JAK2: variants seen among roughly 807,000 people sequenced by gnomAD.
The protein encoded by JAK2 is Janus kinase 2, also known as tyrosine-protein kinase JAK2.
A neutral mutation model predicts 139.3 loss-of-function variants in JAK2; 86 were observed. The ratio of observed to expected loss-of-function variants is 0.62; its 90% CI spans 0.52 to 0.74. The LOEUF (loss-of-function observed/expected upper bound fraction) is 0.74. Ranked by LOEUF, JAK2 falls within the 30% of genes least tolerant of loss-of-function variation. JAK2 has a pLI of 0.00. For missense variants in JAK2, 1,421 were observed against 1,360.3 expected (o/e 1.04, Z -0.70); for synonymous variants, 490 against 437.7 (o/e 1.12, Z -1.49).
chr9:5,033,486 G>C (rs1823323443), intron 4 of JAK2, among the ~76,000 whole-genome samples: 1 of 152,202 alleles, frequency 6.6e-6, no homozygotes. Flanking sequence ...AGGGCAGCCA[G>C]AGAGAAAGGT....
At chr9:5,018,769 A>T (rs2130038521) in intron 2 of JAK2, among the ~76,000 whole-genome samples, 1 of 152,280 alleles carries the variant, frequency 6.6e-6, no homozygotes, top group Non-Finnish European at 1.5e-5. Flanking sequence ...AATGAAGGAT[A>T]ATTTTGCTGG....
At position 5,050,723 on chromosome 9, in the gene JAK2, C is replaced by G. The variant is rs767125301; in HGVS notation, c.506C>G (p.Pro169Arg). 37 of 1,613,586 alleles carry G rather than the reference C, an allele frequency of 2.3e-5. 1 individual carries two copies. In the Middle Eastern group the frequency reaches 6.6e-4, roughly 29 times the overall value. ...HDFVHGWIKV[P>R]VTHETQEECL... is the part of the protein sequence containing the mutation. ...TTTGTGCACGGATGGATAAAAGTAC[C>G]TGTGACTCATGAAACACAGGAAGAA... The change falls in exon 6 of 25, where the codon CCT becomes CGT. Residue 169 changes from proline (P) to arginine (R), a missense_variant. Transcript: ENST00000381652.
intron 1 of JAK2, among the ~76,000 whole-genome samples, 155 bp downstream of exon 1, chr9:4,985,785 G>C (rs771728982): frequency 1.3e-5 from 2 of 152,194 alleles, no homozygotes; most frequent in African/African-American, 2.4e-5. Flanking sequence ...AACGAGTCTT[G>C]CTGGTGATAT....
Position 5,126,322 on chromosome 9 carries a change from G to A in JAK2, c.3178-11G>A, listed in dbSNP as rs779522337. 1.3e-6 allele frequency: 2 copies of A among 1,553,726 alleles called. No individual in the cohort carries two copies. The highest frequency in any genetic ancestry group is 1.8e-6 in the Non-Finnish European group (2 of 1,137,122). Reference sequence around the variant, plus strand: ...AATGTACAAAAAATATTGAAAGTGGGTTTGTTTTAGGAATTTATGCGTATG... The same window carrying A: ...AATGTACAAAAAATATTGAAAGTGGATTTGTTTTAGGAATTTATGCGTATG... On this transcript the variant is annotated splice_polypyrimidine_tract_variant and intron_variant, in intron 23 of 24. Coordinates refer to ENST00000381652, the MANE Select transcript of JAK2 (RefSeq NM_004972.4).
At chr9:5,041,352 A>G in intron 4 of JAK2, 1 of 642,456 alleles carries the variant, frequency 1.6e-6, no homozygotes, top group Non-Finnish European at 2.8e-6. Context: ...ACGGCGTGCT[A>G]CATGAGCATC....
At chr9:5,008,750 T>C (rs963255190) in intron 2 of JAK2, among the ~76,000 whole-genome samples, 85 of 152,350 alleles carry the variant, frequency 5.6e-4, no homozygotes, top group African/African-American at 1.9e-3. Context: ...TCAGCAGATC[T>C]TTTTAACATG....
At chr9:5,011,354 T>TA (rs1252778067) in intron 2 of JAK2, among the ~76,000 whole-genome samples, 1 of 151,682 alleles carries the variant, frequency 6.6e-6, no homozygotes, top group Non-Finnish European at 1.5e-5. Context: ...CCCAGCAAAT[T>TA]AAAAAAAAAT....
At chr9:5,087,370 G>A (rs1401305363) in intron 19 of JAK2, among the ~76,000 whole-genome samples, 1 of 152,128 alleles carries the variant, frequency 6.6e-6, no homozygotes, top group African/African-American at 2.4e-5. Flanking sequence ...GAAACCACCC[G>A]CATGATTCAG....
chr9:5,016,219 A>G (rs1293582802), intron 2 of JAK2, among the ~76,000 whole-genome samples: 1 of 152,232 alleles, frequency 6.6e-6, no homozygotes, highest in Non-Finnish European at 1.5e-5. Context: ...GAACTTCAGG[A>G]TGAAGTGAAG....
chr9:5,111,021 C>T (rs963724159), intron 22 of JAK2: 2 of 801,612 alleles, frequency 2.5e-6, no homozygotes, highest in Non-Finnish European at 4.1e-6. Flanking sequence ...AGGGCCGGCC[C>T]GCCTCCCTGG....
chr9:5,066,263 T>C (rs568889611), intron 9 of JAK2, among the ~76,000 whole-genome samples: 26 of 152,270 alleles, frequency 1.7e-4, no homozygotes, highest in Admixed American at 1.2e-3. Context: ...AATAATAAAA[T>C]CATGCATTCA....
At chr9:5,009,402 T>C (rs1240182116) in intron 2 of JAK2, among the ~76,000 whole-genome samples, 1 of 152,156 alleles carries the variant, frequency 6.6e-6, no homozygotes, top group Non-Finnish European at 1.5e-5. Flanking sequence ...AGGAACACTA[T>C]GAAATGCCCA....
intron 12 of JAK2, among the ~76,000 whole-genome samples, chr9:5,071,892 G>A (rs1170479183): frequency 2.6e-5 from 4 of 152,204 alleles, no homozygotes; most frequent in African/African-American, 7.2e-5. Context: ...GTAAAGATAT[G>A]CAAGAAATAC....
chr9:5,116,681 A>G (rs1823205939), intron 22 of JAK2, among the ~76,000 whole-genome samples: 1 of 152,216 alleles, frequency 6.6e-6, no homozygotes, highest in Non-Finnish European at 1.5e-5. Flanking sequence ...AATACTATAC[A>G]GGGAGGTAGG....
upstream of JAK2, chr9:4,985,046 C>G (rs1056036352): frequency 1.3e-5 from 2 of 152,292 alleles, no homozygotes; most frequent in African/African-American, 4.8e-5. Context: ...GGACGCGCGT[C>G]CGGCTCTCCC....
chr9:4,986,788 A>G (rs1258904908), intron 2 of JAK2, among the ~76,000 whole-genome samples: 1 of 152,190 alleles, frequency 6.6e-6, no homozygotes, highest in African/African-American at 2.4e-5. Context: ...TATAGACCTT[A>G]TTCACACAGC....
chr9:5,123,401 CGTG>C (rs1311396094), intron 23 of JAK2, among the ~76,000 whole-genome samples: 6 of 151,898 alleles, frequency 4.0e-5, no homozygotes, highest in Non-Finnish European at 8.8e-5. Context: ...TAAGTGAAAA[CGTG>C]GTATTTGTCT....
intron 2 of JAK2, among the ~76,000 whole-genome samples, chr9:4,998,987 A>AT (rs553934718): frequency 0.038 from 5,487 of 143,866 alleles, 308 homozygotes; most frequent in African/African-American, 0.13. Flanking sequence ...ACGCCCGGCT[A>AT]TTTTTTTTTT....
In JAK2 at chr9:5,089,814, C is replaced by T; in HGVS notation, c.2712C>T (p.Ser904=). 6.3e-7 allele frequency: 1 copy of T among 1,593,182 alleles called. No homozygotes were observed. Among genetic ancestry groups the T allele is most frequent in the Non-Finnish European group, 8.5e-7 (1 of 1,170,132 alleles). The change falls in exon 20 of 25, where the codon TCC becomes TCT. Residue 904 remains serine, a synonymous_variant. Transcript: ENST00000381652. ...DFEREIEILK[S]LQHDNIVKYK... ...AAAGGGAAATTGAAATCCTGAAATCCCTACAGCATGACAACATTGTAAAGT... is the reference window on the plus strand; with the variant it reads ...AAAGGGAAATTGAAATCCTGAAATCTCTACAGCATGACAACATTGTAAAGT...
Sources: allele counts gnomAD v4.1 joint callset (sites outside exome capture counted in the v4.1 genomes callset), GRCh38; gene constraint gnomAD v4.1.1; transcripts MANE v1.5; gene names NCBI Gene and HGNC (gene_info 2026-07-23, HGNC 2026-07-21).